RRM2: variants seen among roughly 807,000 people sequenced by gnomAD.
The protein encoded by RRM2 is ribonucleotide reductase regulatory subunit M2.
Under a neutral mutation model 45.9 loss-of-function variants are expected in RRM2, and 6 were observed. The observed-to-expected ratio is 0.13, with a 90% CI of 0.07 to 0.26. The LOEUF (loss-of-function observed/expected upper bound fraction) is 0.26. Ranked by LOEUF, RRM2 falls within the 10% of genes least tolerant of loss-of-function variation. The pLI, the probability that RRM2 is intolerant of heterozygous loss-of-function variation, is 1.00. For missense variants in RRM2, 343 were observed against 489.5 expected (o/e 0.70, Z 2.82); for synonymous variants, 177 against 173.0 (o/e 1.02, Z -0.18).
At chr2:10,150,111 C>G (rs916026407) in intron 3 of RRM2, among the ~76,000 whole-genome samples, 2 of 151,722 alleles carry the variant, frequency 1.3e-5, no homozygotes, top group African/African-American at 4.8e-5. Context: ...CCCAGGAGTT[C>G]GAGAGCAGTC....
At chr2:10,136,298 T>C (rs1662988176), downstream of RRM2, among the ~76,000 whole-genome samples, 1 of 152,256 alleles carries the variant, frequency 6.6e-6, no homozygotes, top group African/African-American at 2.4e-5. Context: ...CAGCATGTGC[T>C]GCGATGGAGA....
At chr2:10,140,284 G>A (rs1044439016), upstream of RRM2, among the ~76,000 whole-genome samples, 3 of 152,104 alleles carry the variant, frequency 2.0e-5, no homozygotes, top group East Asian at 1.9e-4. Flanking sequence ...AGAACATTTC[G>A]TGTTGCATGA....
upstream of RRM2, chr2:10,122,661 G>T (rs1419259382): frequency 1.4e-5 from 21 of 1,549,074 alleles, no homozygotes; most frequent in Non-Finnish European, 1.7e-5. Flanking sequence ...GGGAAGGGCC[G>T]GGGCACCAAA....
rs974901847 is a variant in RRM2 at position 10,205,257 on chromosome 2, C to T, written n.483-5054C>T. ...AGTGGGGCTCGGTATTGACGATCAG[C>T]GAACAGTCTCCTGGGGAGTCAGCTT... is the stretch of plus-strand genomic sequence containing the variant. On this transcript the variant is annotated intron_variant and non_coding_transcript_variant, in intron 3 of 3. Transcript: ENST00000381786. The surrounding 1 kb of genome is among the most constrained non-coding windows in gnomAD (Gnocchi z 4.8). Among the ~76,000 whole-genome samples, 11 of 152,174 alleles carry T rather than the reference C, an allele frequency of 7.2e-5. No individual in the cohort carries two copies. The highest frequency in any genetic ancestry group is 2.4e-4 in the African/African-American group (10 of 41,444).
In RRM2 at chr2:10,129,027, A is replaced by G. The variant is rs1477207892; in HGVS notation, c.904-14A>G. On this transcript the variant is annotated splice_polypyrimidine_tract_variant and intron_variant, in intron 8 of 9. Transcript: ENST00000304567. The surrounding 1 kb of genome is among the most constrained non-coding windows in gnomAD (Gnocchi z 4.8). ...TGCTTTAGTTGTATTCAGAAGCTGTATTTTGGTTCCTAGGAGTTCCTCACT... is the reference window on the plus strand; with the variant it reads ...TGCTTTAGTTGTATTCAGAAGCTGTGTTTTGGTTCCTAGGAGTTCCTCACT... 3 of 1,612,984 alleles carry G rather than the reference A, an allele frequency of 1.9e-6. No homozygotes were observed. The highest frequency in any genetic ancestry group is 1.7e-6 in the Non-Finnish European group (2 of 1,179,008).
intron 3 of RRM2, chr2:10,210,207 C>A (rs1391321659): frequency 3.0e-6 from 2 of 657,374 alleles, no homozygotes; most frequent in African/African-American, 1.9e-5. Context: ...CAGCCCTTGG[C>A]CATGTTCCGG....
rs375806967 is a variant in RRM2 at position 10,127,057 on chromosome 2, A to G, written c.665-30A>G. On this transcript the variant is annotated intron_variant, in intron 6 of 9. Coordinates refer to ENST00000304567, the MANE Select transcript of RRM2 (RefSeq NM_001034.4). This position sits in a 1 kb window ranked among gnomAD's most constrained non-coding sequence, Gnocchi z 4.1. ...TTTGGCCCTTGAATACCAACTCACT[A>G]GAATCATGTTGGTGTTAACTCCTAA... The G allele has an allele frequency of 4.3e-6, 7 of 1,612,676 alleles. No individual in the cohort carries two copies. The African/African-American group carries it at 9.3e-5, about 22-fold the overall frequency.
In RRM2 at chr2:10,128,970, A is replaced by G. The variant is rs148559555; in HGVS notation, c.903+18A>G. On this transcript the variant is annotated intron_variant, in intron 8 of 9. Transcript: ENST00000304567. ...TAGAACAGGTAAAGTGGGTGATGAA[A>G]TGGGTCACTCAAGCTTGCTAGAAAA... is the stretch of plus-strand genomic sequence containing the variant. The G allele has an allele frequency of 3.1e-6, 5 of 1,609,410 alleles. No individual in the cohort carries two copies. In the South Asian group the frequency reaches 5.5e-5, roughly 18 times the overall value.
intron 3 of RRM2, among the ~76,000 whole-genome samples, chr2:10,186,314 A>ATTTT (rs60113793): frequency 2.7e-5 from 4 of 145,610 alleles, no homozygotes; most frequent in Admixed American, 6.8e-5. Context: ...TGCCCAGCTA[A>ATTTT]TTTTTTTTTT....
chr2:10,164,765 G>A (rs530900777), intron 3 of RRM2, among the ~76,000 whole-genome samples: 7 of 152,248 alleles, frequency 4.6e-5, no homozygotes, highest in Non-Finnish European at 7.4e-5. Flanking sequence ...AGGTGCCCCC[G>A]TCACTTACAA....
At chr2:10,193,458 C>T (rs950040619) in intron 3 of RRM2, among the ~76,000 whole-genome samples, 45 of 152,196 alleles carry the variant, frequency 3.0e-4, no homozygotes, top group Non-Finnish European at 5.9e-5. Flanking sequence ...CCTCAGTGTC[C>T]CCCACTGTCC....
intron 3 of RRM2, among the ~76,000 whole-genome samples, chr2:10,162,328 C>CACACACATG (rs1663578984): frequency 6.6e-6 from 1 of 152,280 alleles, no homozygotes; most frequent in African/African-American, 2.4e-5. Flanking sequence ...CTTTGGGATG[C>CACACACATG]GGCGTCTCGA....
downstream of RRM2, among the ~76,000 whole-genome samples, chr2:10,132,408 G>C (rs756647279): frequency 2.6e-5 from 4 of 152,108 alleles, no homozygotes; most frequent in African/African-American, 9.7e-5. Context: ...GAGGTCTCAT[G>C]GGGGGAGATG....
Position 10,123,010 on chromosome 2 carries a change from C to T in RRM2, c.127C>T (p.Leu43=), listed in dbSNP as rs1459622321. 3.8e-6 allele frequency: 6 copies of T among 1,564,748 alleles called. No homozygotes were observed. In the East Asian group the frequency reaches 1.2e-4, roughly 30 times the overall value. ...GCCGGCCCTGAGCGGGACCCGCGTC[C>T]TGGCCAGCAAGACCGCGAGGAGGAT... ...TPPALSGTRV[L]ASKTARRIFQ... Residue 43 remains leucine (L), a synonymous_variant, in exon 2 of 10, where the codon CTG becomes TTG. Coordinates refer to ENST00000304567, the MANE Select transcript of RRM2 (RefSeq NM_001034.4).
chr2:10,122,729 G>C (rs886290998), upstream of RRM2: 16 of 1,551,816 alleles, frequency 1.0e-5, no homozygotes, highest in African/African-American at 1.4e-5. Context: ...GCTGGAGTGA[G>C]GGGTCGCCCG....
chr2:10,153,393 G>A (rs1272974374), intron 3 of RRM2, among the ~76,000 whole-genome samples: 2 of 152,088 alleles, frequency 1.3e-5, no homozygotes, highest in South Asian at 2.1e-4. Flanking sequence ...GTACTTCATA[G>A]TTTTTACATT....
intron 3 of RRM2, among the ~76,000 whole-genome samples, chr2:10,167,516 C>T (rs867324003): frequency 1.3e-5 from 2 of 152,290 alleles, no homozygotes; most frequent in African/African-American, 4.8e-5. Context: ...CACGCTGCGC[C>T]CTGCCTTGCT....
intron 3 of RRM2, among the ~76,000 whole-genome samples, chr2:10,152,416 T>C (rs920817053): frequency 4.6e-5 from 7 of 152,094 alleles, no homozygotes; most frequent in Admixed American, 4.6e-4. Context: ...GACTTAATTT[T>C]GGTGAAGTCC....
intron 3 of RRM2, among the ~76,000 whole-genome samples, chr2:10,165,302 C>A (rs918186760): frequency 6.6e-6 from 1 of 152,210 alleles, no homozygotes; most frequent in African/African-American, 2.4e-5. Flanking sequence ...GAGACCCCAT[C>A]AAACACGTTT....
Sources: allele counts gnomAD v4.1 joint callset (sites outside exome capture counted in the v4.1 genomes callset), GRCh38; gene constraint gnomAD v4.1.1; non-coding constraint Gnocchi (gnomAD v3.1); transcripts MANE v1.5; gene names NCBI Gene and HGNC (gene_info 2026-07-23, HGNC 2026-07-21).